VPS35L: variants seen among roughly 807,000 people sequenced by gnomAD.
VPS35L encodes VPS35 endosomal protein sorting factor like.
VPS35L carries 83 observed loss-of-function variants against 133.0 expected under a neutral mutation model. That is an observed-to-expected ratio of 0.62 (90% CI 0.52 to 0.75). The LOEUF (loss-of-function observed/expected upper bound fraction) is 0.75, where lower values mean the gene tolerates loss of function less well. VPS35L is among the 30% of genes least tolerant of loss of function. The pLI, the probability that VPS35L is intolerant of heterozygous loss-of-function variation, is 0.00. For synonymous variants in VPS35L, 423 were observed against 449.9 expected, an observed-to-expected ratio of 0.94 and a Z score of 0.76; for missense variants, 1,083 against 1,206.8, an observed-to-expected ratio of 0.90 and a Z score of 1.52.
At chr16:19,598,809 T>A (rs1972292564) in intron 8 of VPS35L, among the ~76,000 whole-genome samples, 1 of 150,004 alleles carries the variant, frequency 6.7e-6, no homozygotes, top group South Asian at 2.1e-4. Flanking sequence ...TGAAAAAGAA[T>A]GTGGAGATGA....
At chr16:19,575,585 G>A (rs373241567) in intron 5 of VPS35L, among the ~76,000 whole-genome samples, 16 of 149,696 alleles carry the variant, frequency 1.1e-4, no homozygotes, top group South Asian at 2.1e-4. Context: ...AAATACAGCC[G>A]GGCACGGTGG....
At chr16:19,612,680 C>G (rs1972762226) in intron 12 of VPS35L, among the ~76,000 whole-genome samples, 1 of 152,196 alleles carries the variant, frequency 6.6e-6, no homozygotes, top group African/African-American at 2.4e-5. Context: ...TAGAATCATG[C>G]TGTCTCTTCT....
chr16:19,667,355 T>A (rs1052087685), intron 26 of VPS35L, among the ~76,000 whole-genome samples: 1 of 152,138 alleles, frequency 6.6e-6, no homozygotes, highest in African/African-American at 2.4e-5. Context: ...ATCAGGTGGC[T>A]TTTCCTCAAG....
At chr16:19,581,732 C>T (rs377064266) in intron 7 of VPS35L, 79 bp downstream of exon 7, 1 of 1,509,124 alleles carries the variant, frequency 6.6e-7, no homozygotes, top group Non-Finnish European at 9.0e-7. Context: ...TTTTCAGGGG[C>T]CTACCTGCAG....
intron 17 of VPS35L, among the ~76,000 whole-genome samples, chr16:19,629,401 T>C (rs1973373818): frequency 6.9e-6 from 1 of 145,178 alleles, no homozygotes; most frequent in African/African-American, 2.7e-5. Flanking sequence ...ATTTCTTTGA[T>C]TTTTTAAAAA....
chr16:19,601,735 G>C lies in VPS35L; in HGVS notation c.784+12G>C, dbSNP rs1169251852. On this transcript the variant is annotated intron_variant, in intron 9 of 30. Coordinates refer to ENST00000417362, the MANE Select transcript of VPS35L (RefSeq NM_020314.7). ...CAGCGTCTTACCAGGTAATGTCGCA[G>C]CTGTTCCTGGGGTGTCATTCTGCCC... 1.5e-5 allele frequency: 24 copies of C among 1,613,756 alleles called. No homozygotes were observed. Among genetic ancestry groups the C allele is most frequent in the Non-Finnish European group, 1.7e-5 (20 of 1,179,818 alleles).
In VPS35L at chr16:19,646,819, G is replaced by T. The variant is rs550156460; in HGVS notation, c.1930-965G>T. Among the ~76,000 whole-genome samples the T allele has an allele frequency of 1.1e-4, 17 of 152,254 alleles. No homozygotes were observed. In the South Asian group the frequency reaches 3.5e-3, roughly 32 times the overall value. ...TAGTCCACAGAGACATTGCAGAAGG[G>T]CAAGCACAGTGGGAAGGTTTCCTGC... On this transcript the variant is annotated intron_variant, in intron 23 of 30. Transcript: ENST00000417362.
rs1292511460 is a variant in VPS35L, at chr16:19,608,203, T to C, written c.810T>C (p.Asn270=). 1 of 1,613,570 alleles carries C rather than the reference T, an allele frequency of 6.2e-7. No homozygotes were observed. The highest frequency in any genetic ancestry group is 8.5e-7 in the Non-Finnish European group (1 of 1,179,626). ...LPDHFSPENA[N]DTAKETCLNW... Reference sequence around the variant, plus strand: ...ATCACTTTTCTCCAGAGAATGCAAATGACACGGCCAAGGAAACATGCCTAA... The same window carrying C: ...ATCACTTTTCTCCAGAGAATGCAAACGACACGGCCAAGGAAACATGCCTAA... The change falls in exon 10 of 31, where the codon AAT becomes AAC. Residue 270 remains asparagine, a synonymous_variant. Coordinates refer to ENST00000417362, the MANE Select transcript of VPS35L (RefSeq NM_020314.7).
At chr16:19,692,772 A>G (rs538696128) in intron 29 of VPS35L, among the ~76,000 whole-genome samples, 3 of 152,306 alleles carry the variant, frequency 2.0e-5, no homozygotes, top group Non-Finnish European at 2.9e-5. Flanking sequence ...CATATTAGCC[A>G]GGCTGGTCTC....
intron 7 of VPS35L, among the ~76,000 whole-genome samples, chr16:19,585,180 G>T (rs1223509575): frequency 6.6e-6 from 1 of 152,118 alleles, no homozygotes; most frequent in Non-Finnish European, 1.5e-5. Context: ...GAATAATGCT[G>T]CTCTGCACAT....
intron 2 of VPS35L, among the ~76,000 whole-genome samples, chr16:19,566,661 C>G (rs1210043578): frequency 6.6e-6 from 1 of 152,150 alleles, no homozygotes; most frequent in African/African-American, 2.4e-5. Context: ...AAGTGACATT[C>G]AGAAAATAGA....
At chr16:19,664,435 TC>T (rs945509511) in intron 26 of VPS35L, among the ~76,000 whole-genome samples, 9 of 151,792 alleles carry the variant, frequency 5.9e-5, no homozygotes, top group Admixed American at 1.3e-4. Context: ...AAAAGTGAAG[TC>T]CCTTTTTCAA....
chr16:19,580,737 C>G (rs1339671816), intron 6 of VPS35L, among the ~76,000 whole-genome samples: 1 of 152,148 alleles, frequency 6.6e-6, no homozygotes, highest in Non-Finnish European at 1.5e-5. Flanking sequence ...CTGTACTCCC[C>G]TGAGAGTTTG....
chr16:19,654,540 T>C (rs1974238486), intron 26 of VPS35L, among the ~76,000 whole-genome samples: 1 of 149,466 alleles, frequency 6.7e-6, no homozygotes, highest in South Asian at 2.1e-4. Flanking sequence ...AGAGCAAGAC[T>C]GTCTTGAAAA....
chr16:19,694,682 T>A (rs917267972), intron 29 of VPS35L, among the ~76,000 whole-genome samples: 39 of 151,572 alleles, frequency 2.6e-4, no homozygotes, highest in Non-Finnish European at 5.4e-4. Flanking sequence ...ACAGCCGAGG[T>A]CTCTCTGGGT....
At chr16:19,679,710 G>A (rs1975200736) in intron 27 of VPS35L, among the ~76,000 whole-genome samples, 1 of 151,946 alleles carries the variant, frequency 6.6e-6, no homozygotes, top group African/African-American at 2.4e-5. Context: ...TCGCCATGTT[G>A]GCCAGGCTGG....
intron 2 of VPS35L, among the ~76,000 whole-genome samples, chr16:19,566,187 C>T (rs226879): frequency 0.097 from 14,818 of 152,068 alleles, 835 homozygotes; most frequent in African/African-American, 0.16. Flanking sequence ...CTCAGGTGCC[C>T]GTTCCCCATG....
At chr16:19,663,498 G>A (rs185110645) in intron 26 of VPS35L, among the ~76,000 whole-genome samples, 8 of 151,566 alleles carry the variant, frequency 5.3e-5, no homozygotes, top group African/African-American at 1.9e-4. Flanking sequence ...ACAGCTGTGT[G>A]ACTTTTTGTC....
At chr16:19,669,655 CTCTCTCTT>C (rs1474958623) in intron 27 of VPS35L, among the ~76,000 whole-genome samples, 1 of 134,410 alleles carries the variant, frequency 7.4e-6, no homozygotes, top group African/African-American at 2.7e-5. Context: ...CAACCATCTT[CTCTCTCTT>C]TCTGTCTCTC....
Sources: allele counts gnomAD v4.1 joint callset (sites outside exome capture counted in the v4.1 genomes callset), GRCh38; gene constraint gnomAD v4.1.1; transcripts MANE v1.5; gene names NCBI Gene and HGNC (gene_info 2026-07-23, HGNC 2026-07-21).